The following CCR2 variants were observed in gnomAD, a reference collection of about 807,000 sequenced individuals.
The protein encoded by CCR2 is C-C chemokine receptor type 2.
For synonymous variants in CCR2, 183 were observed against 177.1 expected, an observed-to-expected ratio of 1.03 and a Z score of -0.27; for missense variants, 408 against 440.0, an observed-to-expected ratio of 0.93 and a Z score of 0.65.
Position 46,360,097 on chromosome 3 carries a change from C to A in CCR2, c.*1487C>A. 2.1e-6 allele frequency: 1 copy of A among 467,368 alleles called. No homozygotes were observed. The highest frequency in any genetic ancestry group is 2.8e-5 in the South Asian group (1 of 35,412). 29.0% of individuals were successfully genotyped at this position (467,368 alleles called of 1,614,324 possible). On this transcript the variant is annotated 3_prime_UTR_variant, in exon 2 of 2. Transcript: ENST00000445132. ...AAAATAAAATTAAAGCTGAAAACTG[C>A]AACTTGTAAATGTGGTAAAGAGTTA... is the stretch of plus-strand genomic sequence containing the variant.
In CCR2 at chr3:46,360,195, G is replaced by T; in HGVS notation, c.*1585G>T. Reference sequence around the variant, plus strand: ...GAGATAATTCTAGCTTTGAGCTTAAGAATTTTGAGCAGGTGGTATGTTTGG... The same window carrying T: ...GAGATAATTCTAGCTTTGAGCTTAATAATTTTGAGCAGGTGGTATGTTTGG... On this transcript the variant is annotated 3_prime_UTR_variant, in exon 2 of 2. Transcript: ENST00000445132. The T allele has an allele frequency of 3.7e-6, 1 of 269,934 alleles. No individual in the cohort carries two copies. Among genetic ancestry groups the T allele is most frequent in the Non-Finnish European group, 7.1e-6 (1 of 141,618 alleles). The allele number at this position is 269,934 out of a possible 1,614,324, so 16.7% of individuals were successfully genotyped here.
chr3:46,358,012 T>C lies in CCR2; in HGVS notation c.485T>C (p.Val162Ala), dbSNP rs1167265831. Residue 162 changes from valine (V) to alanine (A), a missense_variant, in exon 2 of 2, where the codon GTG becomes GCG. Transcript: ENST00000445132. ...GTCACCTTTGGGGTGGTGACAAGTGTGATCACCTGGTTGGTGGCTGTGTTT... is the reference window on the plus strand; with the variant it reads ...GTCACCTTTGGGGTGGTGACAAGTGCGATCACCTGGTTGGTGGCTGTGTTT... The part of the protein sequence containing the change: ...RTVTFGVVTS[V>A]ITWLVAVFAS... 2 of 1,614,220 alleles carry C rather than the reference T, an allele frequency of 1.2e-6. No homozygotes were observed. Among genetic ancestry groups the C allele is most frequent in the Non-Finnish European group, 1.7e-6 (2 of 1,180,018 alleles).
chr3:46,359,405 G>A lies in CCR2; in HGVS notation c.*795G>A. 4 of 1,057,178 alleles carry A rather than the reference G, an allele frequency of 3.8e-6. No homozygotes were observed. The highest frequency in any genetic ancestry group is 4.7e-6 in the Non-Finnish European group (4 of 845,228). 65.5% of individuals were successfully genotyped at this position (1,057,178 alleles called of 1,614,324 possible). A position where few individuals can be genotyped will look rare whatever the true frequency, so the allele number is the denominator to read the frequency against. Reference sequence around the variant, plus strand: ...CATTATCTATGATATGCTAATATATGTATATGCAATATATATAGGCTCTTG... The same window carrying A: ...CATTATCTATGATATGCTAATATATATATATGCAATATATATAGGCTCTTG... On this transcript the variant is annotated 3_prime_UTR_variant, in exon 2 of 2. Transcript: ENST00000445132.
At chr3:46,357,200 C>A (rs3918366) in intron 1 of CCR2, among the ~76,000 whole-genome samples, 2 of 152,164 alleles carry the variant, frequency 1.3e-5, no homozygotes, top group Admixed American at 1.3e-4. Flanking sequence ...TGCAAAGGAG[C>A]CAGAGAAAAC....
intron 1 of CCR2, among the ~76,000 whole-genome samples, 189 bp from the exon 2 acceptor site, chr3:46,357,288 G>A (rs1305839886): frequency 6.6e-6 from 1 of 152,238 alleles, no homozygotes; most frequent in African/African-American, 2.4e-5. Flanking sequence ...AATGGCTGTT[G>A]GGTAAATCAT....
Position 46,359,820 on chromosome 3 carries a change from G to C in CCR2, c.*1210G>C, listed in dbSNP as rs774399090. On this transcript the variant is annotated 3_prime_UTR_variant, in exon 2 of 2. Transcript: ENST00000445132. ...CGTGGAAAAGGAAAGTCAATTGGCA[G>C]AGCCCCTGAAGCCAGTCTTCAGGAC... 1 of 1,614,094 alleles carries C rather than the reference G, an allele frequency of 6.2e-7. No individual in the cohort carries two copies.
rs1193394334 is a variant in CCR2 at position 46,357,463 on chromosome 3, T to C, written c.-51-14T>C. 40 of 1,539,446 alleles carry C rather than the reference T, an allele frequency of 2.6e-5. No homozygotes were observed. The highest frequency in any genetic ancestry group is 3.5e-5 in the Non-Finnish European group (39 of 1,128,810). On this transcript the variant is annotated splice_polypyrimidine_tract_variant and intron_variant, in intron 1 of 1. Transcript: ENST00000445132. ...TTTGTGTTGTGTGGTCATCATTTTGTTCTTTGTTTACAGAACAGAGAAAGT... is the reference window on the plus strand; with the variant it reads ...TTTGTGTTGTGTGGTCATCATTTTGCTCTTTGTTTACAGAACAGAGAAAGT...
Position 46,360,448 on chromosome 3 carries a change from T to G in CCR2, c.*1838T>G, listed in dbSNP as rs953987425. 6.6e-6 allele frequency: 1 copy of G among 152,412 alleles called. No homozygotes were observed. Among genetic ancestry groups the G allele is most frequent in the African/African-American group, 2.4e-5 (1 of 41,472 alleles). 9.4% of individuals were successfully genotyped at this position (152,412 alleles called of 1,614,324 possible). On this transcript the variant is annotated 3_prime_UTR_variant, in exon 2 of 2. Transcript: ENST00000445132. ...TTATGAAGTCATGCGTTTAATCACA[T>G]TCGAGTGTTTCAGTGCTTCGCAGAT... is the stretch of plus-strand genomic sequence containing the variant.
chr3:46,358,884 C>A lies in CCR2; in HGVS notation c.*274C>A. 8.6e-7 allele frequency: 1 copy of A among 1,156,202 alleles called. No individual in the cohort carries two copies. 71.6% of individuals were successfully genotyped at this position (1,156,202 alleles called of 1,614,324 possible). ...ATTACCTTGTGCTAATCCTCTTTTT[C>A]TAGTCTTCATAATTTCTTCACTCAA... On this transcript the variant is annotated 3_prime_UTR_variant, in exon 2 of 2. Transcript: ENST00000445132.
rs3918367 is a variant in CCR2 at position 46,357,683 on chromosome 3, G to T, written c.156G>T (p.Val52=). 14,264 of 1,614,122 alleles carry T rather than the reference G, an allele frequency of 8.8e-3. 99 individuals are homozygous for T. Among genetic ancestry groups the T allele is most frequent in the Non-Finnish European group, 9.9e-3 (11,714 of 1,180,018 alleles). ...TCCTGCCTCCGCTCTACTCGCTGGT[G>T]TTCATCTTTGGTTTTGTGGGCAACA... is the stretch of plus-strand genomic sequence containing the variant. The part of the protein sequence containing the change: ...AQLLPPLYSL[V]FIFGFVGNML... Residue 52 remains valine, a synonymous_variant, in exon 2 of 2, where the codon GTG becomes GTT. Coordinates refer to ENST00000445132, the MANE Select transcript of CCR2 (RefSeq NM_001123396.4).
rs1391405321 is a variant in CCR2, at chr3:46,359,805, G to T, written c.*1195G>T. ...GGACTCCTCGATGGTCGTGGAAAAG[G>T]AAAGTCAATTGGCAGAGCCCCTGAA... On this transcript the variant is annotated 3_prime_UTR_variant, in exon 2 of 2. Coordinates refer to ENST00000445132, the MANE Select transcript of CCR2 (RefSeq NM_001123396.4). 2.5e-6 allele frequency: 4 copies of T among 1,614,094 alleles called. No individual in the cohort carries two copies. Among genetic ancestry groups the T allele is most frequent in the Non-Finnish European group, 3.4e-6 (4 of 1,179,978 alleles).
rs990010044 is a variant in CCR2 at position 46,360,409 on chromosome 3, T to A, written c.*1799T>A. ...GCTTGCTGCCAAAAGCCTTTTGTGT[T>A]TTGTTTTGTATCATTATGAAGTCAT... On this transcript the variant is annotated 3_prime_UTR_variant, in exon 2 of 2. Coordinates refer to ENST00000445132, the MANE Select transcript of CCR2 (RefSeq NM_001123396.4). The A allele has an allele frequency of 6.5e-6, 1 of 153,300 alleles. No homozygotes were observed. Among genetic ancestry groups the A allele is most frequent in the Non-Finnish European group, 1.5e-5 (1 of 68,882 alleles). 9.5% of individuals were successfully genotyped at this position (153,300 alleles called of 1,614,324 possible). A position where few individuals can be genotyped will look rare whatever the true frequency, so the allele number is the denominator to read the frequency against.
chr3:46,358,815 T>G lies in CCR2; in HGVS notation c.*205T>G. ...ATCCAGAAAAACTGTGGGTAGAGAC[T>G]TTGACTCTCCAGAAAGCTCATCTCA... On this transcript the variant is annotated 3_prime_UTR_variant, in exon 2 of 2. Coordinates refer to ENST00000445132, the MANE Select transcript of CCR2 (RefSeq NM_001123396.4). The G allele has an allele frequency of 7.4e-7, 1 of 1,357,730 alleles. No homozygotes were observed. The highest frequency in any genetic ancestry group is 9.5e-7 in the Non-Finnish European group (1 of 1,048,694). The allele number at this position is 1,357,730 out of a possible 1,614,324, so 84.1% of individuals were successfully genotyped here. A position where few individuals can be genotyped will look rare whatever the true frequency, so the allele number is the denominator to read the frequency against.
Position 46,359,128 on chromosome 3 carries a change from G to A in CCR2, c.*518G>A, listed in dbSNP as rs1354292363. 7.0e-6 allele frequency: 7 copies of A among 1,006,830 alleles called. No homozygotes were observed. Among genetic ancestry groups the A allele is most frequent in the African/African-American group, 3.5e-5 (2 of 57,274 alleles). 62.4% of individuals were successfully genotyped at this position (1,006,830 alleles called of 1,614,324 possible). On this transcript the variant is annotated 3_prime_UTR_variant, in exon 2 of 2. Coordinates refer to ENST00000445132, the MANE Select transcript of CCR2 (RefSeq NM_001123396.4). ...ACTGGTCCTTAGCCCCATCTGCCAC[G>A]TGTATTTAACCTTGAAGGGTTCACC...
Position 46,358,742 on chromosome 3 carries a change from A to AT in CCR2, c.*133dup. ...AGGAACCTCAGGGCTGTGTGTACTAATACAGACTATGTCACCCAATGCATA... is the reference window on the plus strand; with the variant it reads ...AGGAACCTCAGGGCTGTGTGTACTAATTACAGACTATGTCACCCAATGCATA... On this transcript the variant is annotated 3_prime_UTR_variant, in exon 2 of 2. Transcript: ENST00000445132. 6.9e-7 allele frequency: 1 copy of AT among 1,452,660 alleles called. No individual in the cohort carries two copies. The highest frequency in any genetic ancestry group is 9.1e-7 in the Non-Finnish European group (1 of 1,101,990). 90.0% of individuals were successfully genotyped at this position (1,452,660 alleles called of 1,614,324 possible). A position where few individuals can be genotyped will look rare whatever the true frequency, so the allele number is the denominator to read the frequency against.
Position 46,360,836 on chromosome 3 carries a change from A to G in CCR2, c.*2226A>G, listed in dbSNP as rs1353765263. 1.3e-5 allele frequency: 2 copies of G among 152,256 alleles called. No individual in the cohort carries two copies. Among genetic ancestry groups the G allele is most frequent in the Non-Finnish European group, 2.9e-5 (2 of 68,040 alleles). The allele number at this position is 152,256 out of a possible 1,614,324, so 9.4% of individuals were successfully genotyped here. A position where few individuals can be genotyped will look rare whatever the true frequency, so the allele number is the denominator to read the frequency against. Reference sequence around the variant, plus strand: ...ATTTGTATGATCCTAATGAATGCATAAAATGTTAAGTTGATGGTGATGAAA... The same window carrying G: ...ATTTGTATGATCCTAATGAATGCATGAAATGTTAAGTTGATGGTGATGAAA... On this transcript the variant is annotated 3_prime_UTR_variant, in exon 2 of 2. Coordinates refer to ENST00000445132, the MANE Select transcript of CCR2 (RefSeq NM_001123396.4).
In CCR2 at chr3:46,358,025, G is replaced by A. The variant is rs1238014638; in HGVS notation, c.498G>A (p.Leu166=). 1.9e-6 allele frequency: 3 copies of A among 1,614,054 alleles called. No individual in the cohort carries two copies. Among genetic ancestry groups the A allele is most frequent in the Non-Finnish European group, 1.7e-6 (2 of 1,180,016 alleles). ...TGGTGACAAGTGTGATCACCTGGTT[G>A]GTGGCTGTGTTTGCTTCTGTCCCAG... ...FGVVTSVITW[L]VAVFASVPGI... Residue 166 remains leucine (L), a synonymous_variant, in exon 2 of 2, where the codon TTG becomes TTA. Transcript: ENST00000445132.
Position 46,358,100 on chromosome 3 carries a change from C to A in CCR2, c.573C>A (p.Gly191=), listed in dbSNP as rs756590290. Residue 191 remains glycine (G), a synonymous_variant, in exon 2 of 2, where the codon GGC becomes GGA. Coordinates refer to ENST00000445132, the MANE Select transcript of CCR2 (RefSeq NM_001123396.4). ...AAGAAGATTCTGTTTATGTCTGTGG[C>A]CCTTATTTTCCACGAGGATGGAATA... ...CQKEDSVYVC[G]PYFPRGWNNF... 18 of 1,614,140 alleles carry A rather than the reference C, an allele frequency of 1.1e-5. No homozygotes were observed. Among genetic ancestry groups the A allele is most frequent in the Non-Finnish European group, 1.4e-5 (17 of 1,180,000 alleles).
In CCR2 at chr3:46,357,630, T is replaced by A. The variant is rs1397019491; in HGVS notation, c.103T>A (p.Phe35Ile). 6.2e-7 allele frequency: 1 copy of A among 1,614,130 alleles called. No homozygotes were observed. The highest frequency in any genetic ancestry group is 1.3e-5 in the African/African-American group (1 of 75,022). The change falls in exon 2 of 2, where the codon TTT (phenylalanine) becomes ATT (isoleucine). Residue 35 changes from phenylalanine (F) to isoleucine (I), a missense_variant. Coordinates refer to ENST00000445132, the MANE Select transcript of CCR2 (RefSeq NM_001123396.4). ...DYDYGAPCHK[F>I]DVKQIGAQLL... The stretch of plus-strand genomic sequence containing the variant: ...TGATTACGGTGCTCCCTGTCATAAA[T>A]TTGACGTGAAGCAAATTGGGGCCCA...
Sources: gnomAD v4.1 joint callset for allele counts (sites outside exome capture counted in the v4.1 genomes callset) on GRCh38, gnomAD v4.1.1 for gene constraint, MANE v1.5 for transcripts, NCBI Gene and HGNC (gene_info 2026-07-23, HGNC 2026-07-21) for gene names.